Variants in THRB observed in about 807,000 individuals in gnomAD.
THRB encodes thyroid hormone receptor beta, also known as nuclear receptor subfamily 1 group A member 2.
A neutral mutation model predicts 47.8 loss-of-function variants in THRB; 12 were observed. The observed-to-expected ratio is 0.25, with a 90% CI of 0.16 to 0.41. The LOEUF (loss-of-function observed/expected upper bound fraction) is 0.41. THRB is among the 10% of genes least tolerant of loss of function. The probability of loss-of-function intolerance (pLI) is 1.00; values close to 1 mark genes in which losing one functional copy is unlikely to be tolerated. For synonymous variants in THRB, 218 were observed against 212.2 expected (o/e 1.03, Z -0.24); for missense variants, 348 against 589.2 (o/e 0.59, Z 4.24).
intron 1 of THRB, among the ~76,000 whole-genome samples, chr3:24,467,265 C>A (rs188127468): frequency 1.3e-5 from 2 of 152,340 alleles, no homozygotes; most frequent in East Asian, 1.9e-4. Context: ...TCTCTTGCTA[C>A]TTCCATAGCA....
chr3:24,132,816 G>A (rs1245393943), intron 9 of THRB, among the ~76,000 whole-genome samples: 4 of 152,228 alleles, frequency 2.6e-5, no homozygotes, highest in African/African-American at 7.2e-5. Flanking sequence ...ATTAAGAAAC[G>A]ACCACACAGT....
chr3:24,302,013 A>G (rs1228106985), intron 2 of THRB, among the ~76,000 whole-genome samples: 1 of 152,216 alleles, frequency 6.6e-6, no homozygotes, highest in Non-Finnish European at 1.5e-5. Flanking sequence ...TGAAGCCTGT[A>G]TCAGACTTCT....
intron 1 of THRB, among the ~76,000 whole-genome samples, chr3:24,403,151 T>G (rs952491820): frequency 6.6e-6 from 1 of 151,952 alleles, no homozygotes; most frequent in African/African-American, 2.4e-5. Flanking sequence ...TGAAAAAATC[T>G]TGGTAAAAGC....
chr3:24,439,146 G>T (rs1456262313), intron 1 of THRB, among the ~76,000 whole-genome samples: 4 of 152,116 alleles, frequency 2.6e-5, no homozygotes, highest in Non-Finnish European at 5.9e-5. Context: ...TGGCATGGAG[G>T]CTGTAACCTC....
intron 1 of THRB, among the ~76,000 whole-genome samples, chr3:24,461,033 G>T (rs1219707085): frequency 6.6e-6 from 1 of 152,290 alleles, no homozygotes; most frequent in South Asian, 2.1e-4. Flanking sequence ...ATTCAAAACT[G>T]TATACATGTT....
chr3:24,205,041 A>G (rs2045141878), intron 4 of THRB, among the ~76,000 whole-genome samples: 2 of 152,218 alleles, frequency 1.3e-5, no homozygotes, highest in Non-Finnish European at 2.9e-5. Context: ...TGTACCTGAA[A>G]GTGATGGGGA....
At chr3:24,411,028 C>A (rs753212582) in intron 1 of THRB, among the ~76,000 whole-genome samples, 2 of 151,734 alleles carry the variant, frequency 1.3e-5, no homozygotes, top group Non-Finnish European at 2.9e-5. Context: ...TCTCTGTTCT[C>A]CTCTTTCTTT....
At chr3:24,276,901 T>C (rs766563727) in intron 3 of THRB, among the ~76,000 whole-genome samples, 3 of 152,262 alleles carry the variant, frequency 2.0e-5, no homozygotes, top group Non-Finnish European at 2.9e-5. Context: ...ACATATTTAC[T>C]CTTGTCTTTT....
chr3:24,255,922 C>T (rs2051227909), intron 3 of THRB, among the ~76,000 whole-genome samples: 1 of 152,160 alleles, frequency 6.6e-6, no homozygotes, highest in African/African-American at 2.4e-5. Flanking sequence ...TGAGGGGAAG[C>T]CTTCATTGTC....
intron 1 of THRB, among the ~76,000 whole-genome samples, chr3:24,491,141 G>A (rs1698089676): frequency 6.6e-6 from 1 of 152,074 alleles, no homozygotes; most frequent in African/African-American, 2.4e-5. Flanking sequence ...CTACTACTAA[G>A]AAGCTCAGAG....
intron 1 of THRB, among the ~76,000 whole-genome samples, chr3:24,447,666 T>G (rs1036794357): frequency 6.6e-6 from 1 of 152,116 alleles, no homozygotes; most frequent in Non-Finnish European, 1.5e-5. Flanking sequence ...CAAAACTCTA[T>G]GATCTGAGTC....
chr3:24,142,503 G>A (rs1244639901), intron 8 of THRB, among the ~76,000 whole-genome samples: 1 of 152,190 alleles, frequency 6.6e-6, no homozygotes, highest in Non-Finnish European at 1.5e-5. Flanking sequence ...TGTTAATGTT[G>A]AGGTACAAGG....
intron 1 of THRB, among the ~76,000 whole-genome samples, chr3:24,402,139 G>C (rs2067455633): frequency 6.6e-6 from 1 of 152,016 alleles, no homozygotes; most frequent in Admixed American, 6.6e-5. Context: ...TGTTACAGAG[G>C]CTCCTGCCCT....
chr3:24,286,450 TG>T (rs1321729697), intron 3 of THRB, among the ~76,000 whole-genome samples: 1 of 152,198 alleles, frequency 6.6e-6, no homozygotes, highest in Non-Finnish European at 1.5e-5. Flanking sequence ...TCACCATCAT[TG>T]GCTAAGAGGC....
chr3:24,315,315 A>G (rs1266833082), intron 2 of THRB, among the ~76,000 whole-genome samples: 2 of 152,196 alleles, frequency 1.3e-5, no homozygotes, highest in Admixed American at 6.5e-5. Context: ...TGAGCTTCTC[A>G]TTCTCTACTT....
chr3:24,418,866 A>C (rs142617057), intron 1 of THRB, among the ~76,000 whole-genome samples: 19 of 152,090 alleles, frequency 1.2e-4, no homozygotes, highest in African/African-American at 4.3e-4. Context: ...GGTACAACAA[A>C]TTTAACACTT....
chr3:24,418,239 T>C (rs1224430721), intron 1 of THRB, among the ~76,000 whole-genome samples: 2 of 127,056 alleles, frequency 1.6e-5, no homozygotes, highest in African/African-American at 5.3e-5. Flanking sequence ...GTCAAGGGTA[T>C]AGGGATTAAA....
chr3:24,200,151 A>G (rs1175472333), intron 4 of THRB, among the ~76,000 whole-genome samples: 1 of 152,178 alleles, frequency 6.6e-6, no homozygotes, highest in Admixed American at 6.5e-5. Context: ...ACGAGCCACA[A>G]ATGCACATAA....
At position 24,336,596 on chromosome 3, in the gene THRB, A is replaced by G. The variant is rs560256732; in HGVS notation, c.-189+704T>C. ...ACCCAGTGATCTGAATGGTTGCTTG[A>G]TATGACCACATACCTCAGGACTGAA... On this transcript the variant is annotated intron_variant, in intron 2 of 10. Coordinates refer to ENST00000646209, the MANE Select transcript of THRB (RefSeq NM_001354712.2). Among the ~76,000 whole-genome samples, 4 of 152,336 alleles carry G rather than the reference A, an allele frequency of 2.6e-5. No individual in the cohort carries two copies. The South Asian group carries it at 8.3e-4, about 32-fold the overall frequency.
Sources: allele counts gnomAD v4.1 joint callset (sites outside exome capture counted in the v4.1 genomes callset), GRCh38; gene constraint gnomAD v4.1.1; transcripts MANE v1.5; gene names NCBI Gene and HGNC (gene_info 2026-07-23, HGNC 2026-07-21).